The following PLEKHG1 variants were observed in gnomAD, a reference collection of about 807,000 sequenced individuals.
PLEKHG1 encodes pleckstrin homology domain-containing family G member 1.
PLEKHG1 carries 44 observed loss-of-function variants against 100.8 expected under a neutral mutation model. That is an observed-to-expected ratio of 0.44 (90% CI 0.34 to 0.56). The LOEUF is 0.56. Ranked by LOEUF, PLEKHG1 falls within the 20% of genes least tolerant of loss-of-function variation. The probability of loss-of-function intolerance (pLI) is 0.01; values close to 1 mark genes in which losing one functional copy is unlikely to be tolerated. For synonymous variants in PLEKHG1, 640 were observed against 662.5 expected (o/e 0.97, Z 0.52); for missense variants, 1,545 against 1,720.9 (o/e 0.90, Z 1.81).
rs769154028 is a variant in PLEKHG1 at position 150,721,304 on chromosome 6, G to C, written c.-99+104G>C. On this transcript the variant is annotated intron_variant, in intron 1 of 15. Transcript: ENST00000358517. ...CCACCGAGGTGAGAAGGGGTCGCAG[G>C]GGGGGCTTTCTTCACAAGTGTGCAG... 20 of 303,908 alleles carry C rather than the reference G, an allele frequency of 6.6e-5. No individual in the cohort carries two copies. The South Asian group carries it at 1.4e-3, about 21-fold the overall frequency. 18.8% of individuals were successfully genotyped at this position (303,908 alleles called of 1,614,324 possible). A position where few individuals can be genotyped will look rare whatever the true frequency, so the allele number is the denominator to read the frequency against.
In PLEKHG1 at chr6:150,761,099, CTTTTTTTT is replaced by C. The variant is rs35068801; in HGVS notation, c.412-7522_412-7515del. ...AAACAATTGATTTCTTTCTTTTTTT[CTTTTTTTT>C]TTTTTTTTTTTTTTTTGAGACAAAG... On this transcript the variant is annotated intron_variant, in intron 2 of 15. Coordinates refer to ENST00000358517, the Ensembl canonical transcript of PLEKHG1. 7.3e-5 allele frequency among the ~76,000 whole-genome samples: 7 copies of C among 95,912 alleles called. No individual in the cohort carries two copies. The East Asian group carries it at 1.2e-3, about 16-fold the overall frequency. The allele number at this position is 95,912 out of a possible 152,430, so 62.9% of individuals were successfully genotyped here. A position where few individuals can be genotyped will look rare whatever the true frequency, so the allele number is the denominator to read the frequency against.
At chr6:150,681,878 A>G (rs959627380) in intron 3 of PLEKHG1, among the ~76,000 whole-genome samples, 2 of 152,202 alleles carry the variant, frequency 1.3e-5, no homozygotes, top group Non-Finnish European at 2.9e-5. Context: ...GCAGCCGCTG[A>G]TGAAGTATGG....
intron 3 of PLEKHG1, among the ~76,000 whole-genome samples, chr6:150,678,179 CTACAA>C (rs963104508): frequency 6.8e-6 from 1 of 147,262 alleles, no homozygotes; most frequent in African/African-American, 2.5e-5. Context: ...CTTTTGAGGT[CTACAA>C]TACGTTACCA....
exon 16 of PLEKHG1, chr6:150,840,284 GTCA>G: frequency 6.2e-7 from 1 of 1,614,158 alleles, no homozygotes; most frequent in Non-Finnish European, 8.5e-7. Context: ...ACAGGTCCCA[GTCA>G]TCTTCCTCCG....
intron 14 of PLEKHG1, 119 bp downstream of exon 15, chr6:150,823,795 T>G: frequency 1.4e-6 from 1 of 712,270 alleles, no homozygotes; most frequent in Non-Finnish European, 2.5e-6. Context: ...TATTTTACAT[T>G]TTGGAAATAT....
At chr6:150,723,207 A>G (rs1781788813) in intron 1 of PLEKHG1, among the ~76,000 whole-genome samples, 2 of 145,336 alleles carry the variant, frequency 1.4e-5, no homozygotes, top group Non-Finnish European at 3.0e-5. Context: ...CCTCACATAC[A>G]AGGAAACCAG....
intron 2 of PLEKHG1, among the ~76,000 whole-genome samples, chr6:150,752,307 AT>A (rs930149147): frequency 6.6e-6 from 1 of 152,238 alleles, no homozygotes; most frequent in African/African-American, 2.4e-5. Flanking sequence ...CTTAAAACTT[AT>A]TTTAACCATT....
chr6:150,828,470 G>C (rs1178496295), intron 14 of PLEKHG1: 1 of 1,149,172 alleles, frequency 8.7e-7, no homozygotes, highest in Non-Finnish European at 1.2e-6. Context: ...ATGAATCCTT[G>C]TGGTTTTTAG....
chr6:150,785,588 C>T (rs1785577725), intron 3 of PLEKHG1, among the ~76,000 whole-genome samples: 1 of 152,112 alleles, frequency 6.6e-6, no homozygotes, highest in South Asian at 2.1e-4. Flanking sequence ...CCCTTCCCAG[C>T]ATATCTCTCC....
intron 2 of PLEKHG1, among the ~76,000 whole-genome samples, chr6:150,757,172 T>C (rs986662421): frequency 1.3e-5 from 2 of 152,166 alleles, no homozygotes; most frequent in Non-Finnish European, 2.9e-5. Flanking sequence ...AATTTTGTTT[T>C]TGTATTTTTA....
intron 1 of PLEKHG1, among the ~76,000 whole-genome samples, chr6:150,604,044 G>A (rs1245701599): frequency 6.6e-6 from 1 of 152,132 alleles, no homozygotes; most frequent in Non-Finnish European, 1.5e-5. Context: ...ACCAGCACTA[G>A]GAAGGGCAAA....
exon 16 of PLEKHG1, chr6:150,840,778 A>T: frequency 6.2e-7 from 1 of 1,614,202 alleles, no homozygotes; most frequent in South Asian, 1.1e-5. Flanking sequence ...CTGACACCAT[A>T]TAATGATTCT....
At chr6:150,782,000 G>T (rs36054564) in intron 3 of PLEKHG1, among the ~76,000 whole-genome samples, 2 of 151,616 alleles carry the variant, frequency 1.3e-5, no homozygotes, top group African/African-American at 4.8e-5. Flanking sequence ...GGATGGTCTC[G>T]ATCTCCTGAC....
intron 2 of PLEKHG1, among the ~76,000 whole-genome samples, chr6:150,648,985 A>G (rs1022230584): frequency 6.6e-6 from 1 of 152,116 alleles, no homozygotes; most frequent in Non-Finnish European, 1.5e-5. Flanking sequence ...AAATCTGCCC[A>G]TGAAGTATTT....
At chr6:150,720,965 C>T (rs182972644), upstream of PLEKHG1, 42 of 154,790 alleles carry the variant, frequency 2.7e-4, no homozygotes, top group East Asian at 5.0e-3. Context: ...TCATTTAAGG[C>T]TCTTAGTGAT....
intron 3 of PLEKHG1, among the ~76,000 whole-genome samples, chr6:150,783,778 C>T (rs1298531331): frequency 1.3e-5 from 2 of 152,154 alleles, no homozygotes. Context: ...TTGTTTGCCA[C>T]ATTAGAAATG....
intron 3 of PLEKHG1, among the ~76,000 whole-genome samples, chr6:150,672,703 C>T (rs1479085277): frequency 1.2e-4 from 19 of 152,100 alleles, no homozygotes; most frequent in East Asian, 1.9e-4. Flanking sequence ...CATTTTATAA[C>T]GACAGGAAGA....
intron 2 of PLEKHG1, among the ~76,000 whole-genome samples, chr6:150,765,653 G>T (rs1231322155): frequency 6.6e-6 from 1 of 152,106 alleles, no homozygotes; most frequent in South Asian, 2.1e-4. Context: ...TGTCCCTGCT[G>T]GATGGTTATG....
intron 3 of PLEKHG1, among the ~76,000 whole-genome samples, chr6:150,772,370 C>T (rs1400404540): frequency 6.6e-6 from 1 of 152,168 alleles, no homozygotes; most frequent in Non-Finnish European, 1.5e-5. Context: ...AAATGTGTAA[C>T]ATGCTGTGGG....
Sources: allele counts gnomAD v4.1 joint callset (sites outside exome capture counted in the v4.1 genomes callset), GRCh38; gene constraint gnomAD v4.1.1; transcripts MANE v1.5; gene names NCBI Gene and HGNC (gene_info 2026-07-23, HGNC 2026-07-21).